The following HPGDS variants were observed in gnomAD, a reference collection of about 807,000 sequenced individuals.
HPGDS encodes the protein GST class-sigma.
In HPGDS, 26 loss-of-function variants were observed where a neutral mutation model predicts 23.1. That is an observed-to-expected ratio of 1.13 (90% CI 0.83 to 1.56). The LOEUF (loss-of-function observed/expected upper bound fraction) is 1.56. HPGDS is among the 40% of genes most tolerant of loss of function. The pLI, the probability that HPGDS is intolerant of heterozygous loss-of-function variation, is 0.00. For missense variants in HPGDS, 268 were observed against 236.4 expected (o/e 1.13, Z -0.88); for synonymous variants, 95 against 77.9 (o/e 1.22, Z -1.16).
intron 5 of HPGDS, among the ~76,000 whole-genome samples, 186 bp downstream of exon 5, chr4:94,301,960 T>C (rs571007557): frequency 6.6e-6 from 1 of 152,264 alleles, no homozygotes; most frequent in East Asian, 1.9e-4. Flanking sequence ...AATATATAAT[T>C]ATATAAAATA....
At chr4:94,311,453 T>G (rs865999381) in intron 3 of HPGDS, among the ~76,000 whole-genome samples, 2 of 151,336 alleles carry the variant, frequency 1.3e-5, no homozygotes, top group South Asian at 2.1e-4. Context: ...TTGATTTGCA[T>G]ATGTTGAACC....
chr4:94,342,434 T>C (rs1413786628), intron 1 of HPGDS, among the ~76,000 whole-genome samples: 1 of 152,212 alleles, frequency 6.6e-6, no homozygotes, highest in Admixed American at 6.5e-5. Context: ...GATAATATTC[T>C]CTACTCCATC....
At chr4:94,340,889 G>A (rs1721156866) in intron 1 of HPGDS, among the ~76,000 whole-genome samples, 1 of 130,516 alleles carries the variant, frequency 7.7e-6, no homozygotes, top group Admixed American at 8.6e-5. Context: ...CTGTCGCCCA[G>A]GCTGGAGTGC....
At chr4:94,322,516 T>A (rs190191326) in intron 2 of HPGDS, among the ~76,000 whole-genome samples, 682 of 152,300 alleles carry the variant, frequency 4.5e-3, no homozygotes, top group African/African-American at 0.015. Context: ...CAGCAATTTA[T>A]CCAGTTCTTC....
intron 4 of HPGDS, among the ~76,000 whole-genome samples, 165 bp downstream of exon 4, chr4:94,308,469 T>C (rs1321676354): frequency 6.6e-6 from 1 of 152,124 alleles, no homozygotes; most frequent in African/African-American, 2.4e-5. Context: ...TGTGAAGGGG[T>C]ACAATAGGGA....
intron 2 of HPGDS, among the ~76,000 whole-genome samples, chr4:94,325,240 G>A (rs556562964): frequency 1.1e-4 from 17 of 152,302 alleles, no homozygotes; most frequent in African/African-American, 4.1e-4. Flanking sequence ...GGGGGTCAGG[G>A]ACCCAGTTGA....
chr4:94,340,260 C>CCTTTCTTTCTTTCTTTCTTTCTTT, intron 1 of HPGDS, among the ~76,000 whole-genome samples: 1 of 81,524 alleles, frequency 1.2e-5, no homozygotes, highest in South Asian at 6.0e-4. Flanking sequence ...CTGGTCTAAA[C>CCTTTCTTTCTTTCTTTCTTTCTTT]CTTTCTTTCT....
At position 94,341,584 on chromosome 4, in the gene HPGDS, G is replaced by A. The variant is rs533264237; in HGVS notation, c.-10+1211C>T. On this transcript the variant is annotated intron_variant, in intron 1 of 5. Coordinates refer to ENST00000295256, the MANE Select transcript of HPGDS (RefSeq NM_014485.3). ...AGTTCAATACAAAATGTTAGCCAAC[G>A]TAAGCTCTTACTCTTAAATACGACA... 5.9e-5 allele frequency among the ~76,000 whole-genome samples: 9 copies of A among 152,310 alleles called. No homozygotes were observed. In the East Asian group the frequency reaches 1.2e-3, roughly 20 times the overall value.
chr4:94,302,012 A>G (rs1715163319), intron 5 of HPGDS, 134 bp downstream of exon 5: 1 of 494,830 alleles, frequency 2.0e-6, no homozygotes, highest in Non-Finnish European at 3.7e-6. Context: ...GGTTTATTTA[A>G]AGAAGTTTAA....
intron 2 of HPGDS, chr4:94,334,206 G>A (rs1361868664): frequency 3.1e-5 from 7 of 223,046 alleles, no homozygotes; most frequent in African/African-American, 9.1e-5. Context: ...CTATCCCAGT[G>A]ACAAAATAGA....
At chr4:94,311,283 T>C (rs1012360582) in intron 3 of HPGDS, among the ~76,000 whole-genome samples, 33 of 151,464 alleles carry the variant, frequency 2.2e-4, no homozygotes, top group Non-Finnish European at 5.9e-5. Flanking sequence ...TTGTCACAGA[T>C]AGCTCTTACT....
chr4:94,321,044 G>C (rs1579439917), intron 2 of HPGDS, among the ~76,000 whole-genome samples: 2 of 151,648 alleles, frequency 1.3e-5, no homozygotes, highest in African/African-American at 2.4e-5. Context: ...TCTTGTTTTT[G>C]TCAGGTTTGT....
intron 1 of HPGDS, among the ~76,000 whole-genome samples, chr4:94,337,529 G>T (rs59483091): frequency 0.44 from 65,825 of 151,248 alleles, 14,346 homozygotes; most frequent in African/African-American, 0.47. Flanking sequence ...ACAAAAATTA[G>T]CTGGGGGTGG....
At chr4:94,323,249 G>A (rs1391968317) in intron 2 of HPGDS, among the ~76,000 whole-genome samples, 1 of 152,208 alleles carries the variant, frequency 6.6e-6, no homozygotes, top group Non-Finnish European at 1.5e-5. Context: ...GTTGATTTGG[G>A]GTGGAGAGTT....
At chr4:94,323,590 CT>C (rs960025847) in intron 2 of HPGDS, among the ~76,000 whole-genome samples, 10 of 151,102 alleles carry the variant, frequency 6.6e-5, no homozygotes, top group Middle Eastern at 3.4e-3. Flanking sequence ...GCAACCCCTC[CT>C]TTTTTTTTGT....
chr4:94,314,887 A>T (rs926055388), intron 3 of HPGDS, among the ~76,000 whole-genome samples: 1 of 152,132 alleles, frequency 6.6e-6, no homozygotes, highest in African/African-American at 2.4e-5. Flanking sequence ...TTGATCTCAG[A>T]CTGCTGTGCT....
intron 2 of HPGDS, among the ~76,000 whole-genome samples, chr4:94,328,091 G>C (rs913125866): frequency 1.3e-5 from 2 of 152,242 alleles, no homozygotes; most frequent in African/African-American, 4.8e-5. Flanking sequence ...AGAATTGCAG[G>C]AGTCTGCGGA....
chr4:94,319,208 G>C (rs1191607294), intron 2 of HPGDS, among the ~76,000 whole-genome samples: 1 of 151,892 alleles, frequency 6.6e-6, no homozygotes, highest in Non-Finnish European at 1.5e-5. Flanking sequence ...CATATATTTG[G>C]GTGCACATAT....
At chr4:94,302,376 A>C (rs1216221287) in intron 4 of HPGDS, 132 bp from the exon 5 acceptor site, 4 of 619,418 alleles carry the variant, frequency 6.5e-6, no homozygotes, top group Non-Finnish European at 1.1e-5. Flanking sequence ...TAGATTTTTT[A>C]TTCAAATTTA....
Sources: allele counts gnomAD v4.1 joint callset (sites outside exome capture counted in the v4.1 genomes callset), GRCh38; gene constraint gnomAD v4.1.1; transcripts MANE v1.5; gene names NCBI Gene and HGNC (gene_info 2026-07-23, HGNC 2026-07-21).